Variants in ABCA13 observed in about 807,000 individuals in gnomAD.
The protein encoded by ABCA13 is ATP binding cassette subfamily A member 13.
ABCA13 carries 476 observed loss-of-function variants against 478.7 expected under a neutral mutation model. That is an observed-to-expected ratio of 0.99 (90% CI 0.92 to 1.07). ABCA13 has a LOEUF of 1.07. Ranked by LOEUF, ABCA13 falls within the 50% of genes least tolerant of loss-of-function variation. The pLI, the probability that ABCA13 is intolerant of heterozygous loss-of-function variation, is 0.00. For missense variants in ABCA13, 6,060 were observed against 5,910.6 expected (o/e 1.03, Z -0.83); for synonymous variants, 2,252 against 2,158.9 (o/e 1.04, Z -1.20).
intron 23 of ABCA13, 35 bp from the exon 24 acceptor site, chr7:48,309,912 G>A (rs751509635): frequency 1.2e-6 from 2 of 1,611,372 alleles, no homozygotes; most frequent in Admixed American, 1.7e-5. Context: ...GACGTCATAG[G>A]TATACTCACC....
intron 27 of ABCA13, among the ~76,000 whole-genome samples, chr7:48,332,295 T>C (rs1302830952): frequency 1.3e-5 from 2 of 152,246 alleles, no homozygotes; most frequent in Non-Finnish European, 2.9e-5. Context: ...AATTTATTGA[T>C]ACTGTCTTTG....
At chr7:48,489,428 A>G in intron 48 of ABCA13, 84 bp downstream of exon 48, 1 of 1,240,854 alleles carries the variant, frequency 8.1e-7, no homozygotes, top group Non-Finnish European at 1.1e-6. Context: ...AAGTTTCTGA[A>G]TAGAAATGTG....
chr7:48,411,227 CTCTT>C (rs751825934), intron 40 of ABCA13, among the ~76,000 whole-genome samples: 15 of 141,444 alleles, frequency 1.1e-4, no homozygotes, highest in South Asian at 2.2e-4. Flanking sequence ...CCTTCTCTTT[CTCTT>C]TCTTTCTTTC....
chr7:48,570,153 T>C (rs1177094038), intron 55 of ABCA13, among the ~76,000 whole-genome samples: 3 of 152,088 alleles, frequency 2.0e-5, no homozygotes, highest in African/African-American at 7.2e-5. Flanking sequence ...TTTCATGTTT[T>C]TATGATTAGT....
intron 3 of ABCA13, among the ~76,000 whole-genome samples, chr7:48,198,749 G>A (rs570141260): frequency 3.3e-4 from 51 of 152,302 alleles, no homozygotes; most frequent in African/African-American, 1.2e-3. Context: ...TGTGCTGCTA[G>A]TTGACTAGAA....
At chr7:48,175,490 G>A (rs577634915) in intron 1 of ABCA13, among the ~76,000 whole-genome samples, 3 of 151,590 alleles carry the variant, frequency 2.0e-5, no homozygotes, top group South Asian at 4.2e-4. Flanking sequence ...GTGTGATCTC[G>A]GCTCACTGCA....
rs201818612 is a variant in ABCA13, at chr7:48,268,943, A to G, written c.2006-37A>G. 396 of 1,080,418 alleles carry G rather than the reference A, an allele frequency of 3.7e-4. 1 individual carries two copies. The African/African-American group carries it at 5.8e-3, about 16-fold the overall frequency. 66.9% of individuals were successfully genotyped at this position (1,080,418 alleles called of 1,614,324 possible). The stretch of plus-strand genomic sequence containing the variant: ...TTTATTAGATTTGTCTGTTATAACC[A>G]GTTTATAATTAATGTAGAAAATGTC... On this transcript the variant is annotated intron_variant, in intron 15 of 61. Coordinates refer to ENST00000435803, the MANE Select transcript of ABCA13 (RefSeq NM_152701.5).
chr7:48,329,923 A>G (rs1389126645), intron 27 of ABCA13, among the ~76,000 whole-genome samples: 1 of 151,830 alleles, frequency 6.6e-6, no homozygotes, highest in Non-Finnish European at 1.5e-5. Flanking sequence ...TCATTCATCC[A>G]CACATCTATT....
intron 29 of ABCA13, among the ~76,000 whole-genome samples, chr7:48,345,068 G>A (rs930548526): frequency 3.3e-5 from 5 of 152,098 alleles, no homozygotes; most frequent in Admixed American, 3.3e-4. Context: ...AGGTCATAAT[G>A]AGCTGAAAAT....
Position 48,275,245 on chromosome 7 carries a change from A to G in ABCA13, c.5579A>G (p.Asp1860Gly), listed in dbSNP as rs1279780906. Reference sequence around the variant, plus strand: ...TATGGCAAAGTGGCCAGTATACTTGATCATTTCCACCTGTCTCCCCAAGGT... The same window carrying G: ...TATGGCAAAGTGGCCAGTATACTTGGTCATTTCCACCTGTCTCCCCAAGGT... The part of the protein sequence containing the change: ...SFYGKVASIL[D>G]HFHLSPQGED... The change falls in exon 17 of 62, where the codon GAT (aspartate) becomes GGT (glycine). Residue 1860 changes from aspartate to glycine, a missense_variant. Physicochemically the swap from Asp to Gly is moderately conservative, Grantham distance 94. Transcript: ENST00000435803. The G allele has an allele frequency of 6.2e-7, 1 of 1,613,892 alleles. No homozygotes were observed. The highest frequency in any genetic ancestry group is 1.3e-5 in the African/African-American group (1 of 75,032).
rs374389664 is a variant in ABCA13, at chr7:48,625,022, C to G, written c.14837+9645C>G. The stretch of plus-strand genomic sequence containing the variant: ...AAAAGTAGAATAAAGTTCAAAGGAT[C>G]CCATCATAGATGTGTTATATAGCCA... On this transcript the variant is annotated intron_variant, in intron 59 of 61. Transcript: ENST00000435803. 3.9e-5 allele frequency among the ~76,000 whole-genome samples: 6 copies of G among 152,206 alleles called. No homozygotes were observed. In the East Asian group the frequency reaches 9.7e-4, roughly 25 times the overall value.
chr7:48,520,029 T>C lies in ABCA13; in HGVS notation c.13798-12T>C, dbSNP rs1385522720. 3 of 1,582,910 alleles carry C rather than the reference T, an allele frequency of 1.9e-6. No homozygotes were observed. The highest frequency in any genetic ancestry group is 2.7e-5 in the African/African-American group (2 of 73,594). The stretch of plus-strand genomic sequence containing the variant: ...TTTTAATTGGATTTTTTTTCTTTTT[T>C]TCACTGTGCAGAATTTACAGAATAT... On this transcript the variant is annotated splice_polypyrimidine_tract_variant and intron_variant, in intron 52 of 61. Transcript: ENST00000435803.
intron 51 of ABCA13, among the ~76,000 whole-genome samples, chr7:48,515,487 T>C (rs1832036924): frequency 6.6e-6 from 1 of 152,204 alleles, no homozygotes; most frequent in Non-Finnish European, 1.5e-5. Flanking sequence ...TAGATCCTGA[T>C]GTCATCTGAC....
Position 48,481,128 on chromosome 7 carries a change from C to G in ABCA13, c.13068C>G (p.Tyr4356Ter), listed in dbSNP as rs776336538. The change falls in exon 46 of 62, where the codon TAC becomes TAG. Residue 4356 changes from tyrosine to a stop codon, truncating the protein, a stop_gained. Coordinates refer to ENST00000435803, the MANE Select transcript of ABCA13 (RefSeq NM_152701.5). LOFTEE classifies it high-confidence loss of function. ...LNLSGFNMEE[Y>*]LLAPSEKPRL... ...TCTCAGGCTTCAATATGGAGGAGTA[C>G]TTGCTGGCACCATCTGAAAAACCAA... 4 of 1,592,060 alleles carry G rather than the reference C, an allele frequency of 2.5e-6. No individual in the cohort carries two copies. The highest frequency in any genetic ancestry group is 3.4e-6 in the Non-Finnish European group (4 of 1,168,510).
chr7:48,399,331 A>T (rs1404826896), intron 38 of ABCA13, among the ~76,000 whole-genome samples: 1 of 152,176 alleles, frequency 6.6e-6, no homozygotes, highest in African/African-American at 2.4e-5. Context: ...GCTTGCTGGG[A>T]CACTATTCTG....
rs576390178 is a variant in ABCA13, at chr7:48,431,250, C to T, written c.12565+3379C>T. On this transcript the variant is annotated intron_variant, in intron 42 of 61. Coordinates refer to ENST00000435803, the MANE Select transcript of ABCA13 (RefSeq NM_152701.5). ...ATTTCACCATGTTGGCCAGGCTGGTCTCAAACTTCTGAACGTGGGAGGTGG... is the reference window on the plus strand; with the variant it reads ...ATTTCACCATGTTGGCCAGGCTGGTTTCAAACTTCTGAACGTGGGAGGTGG... Among the ~76,000 whole-genome samples the T allele has an allele frequency of 6.3e-4, 96 of 152,010 alleles. 2 individuals are homozygous for T. In the South Asian group the frequency reaches 0.016, roughly 26 times the overall value.
chr7:48,179,623 G>A (rs548454206), intron 1 of ABCA13, among the ~76,000 whole-genome samples: 1 of 152,324 alleles, frequency 6.6e-6, no homozygotes, highest in East Asian at 1.9e-4. Context: ...AGGGATGAGA[G>A]GGAAGCAGCC....
At chr7:48,528,088 C>A in intron 54 of ABCA13, 148 bp from the exon 55 acceptor site, 1 of 624,512 alleles carries the variant, frequency 1.6e-6, no homozygotes, top group Non-Finnish European at 2.8e-6. Flanking sequence ...CATTTTAAAA[C>A]TCCATAAATA....
chr7:48,541,100 T>C (rs183743952), intron 55 of ABCA13, among the ~76,000 whole-genome samples: 1 of 152,248 alleles, frequency 6.6e-6, no homozygotes, highest in East Asian at 1.9e-4. Context: ...CAGTCTCATA[T>C]CTGGAACACT....
Sources: gnomAD v4.1 joint callset for allele counts (sites outside exome capture counted in the v4.1 genomes callset) on GRCh38, gnomAD v4.1.1 for gene constraint, MANE v1.5 for transcripts, NCBI Gene and HGNC (gene_info 2026-07-23, HGNC 2026-07-21) for gene names.